Variants in CSF1R observed in about 807,000 individuals in gnomAD.
CSF1R encodes colony stimulating factor 1 receptor.
Under a neutral mutation model 110.0 loss-of-function variants are expected in CSF1R, and 40 were observed. That is an observed-to-expected ratio of 0.36 (90% confidence interval 0.28 to 0.47). The LOEUF (loss-of-function observed/expected upper bound fraction) is 0.47, where lower values mean the gene tolerates loss of function less well. CSF1R is among the 20% of genes least tolerant of loss of function. CSF1R has a pLI of 0.99. For synonymous variants in CSF1R, 523 were observed against 503.4 expected, an observed-to-expected ratio of 1.04 and a Z score of -0.52; for missense variants, 1,052 against 1,253.0, an observed-to-expected ratio of 0.84 and a Z score of 2.42.
At chr5:150,109,058 G>GCCCCCCTC (rs1554106341) in intron 1 of CSF1R, among the ~76,000 whole-genome samples, 2 of 119,736 alleles carry the variant, frequency 1.7e-5, no homozygotes, top group Non-Finnish European at 3.7e-5. Context: ...GGAGAAGCCC[G>GCCCCCCTC]CCCCCCCCCC....
chr5:150,109,005 G>C (rs1759631138), intron 1 of CSF1R, among the ~76,000 whole-genome samples: 1 of 150,464 alleles, frequency 6.6e-6, no homozygotes, highest in South Asian at 2.1e-4. Context: ...CCAAGCTGTG[G>C]GAAACTTTCA....
intron 3 of CSF1R, 21 bp downstream of exon 3, chr5:150,080,031 C>T (rs775415513): frequency 5.6e-6 from 9 of 1,604,680 alleles, no homozygotes; most frequent in South Asian, 2.2e-5. Flanking sequence ...GCCTGGCTGC[C>T]GGTCCCCATG....
At chr5:150,085,385 C>A (rs1234684981) in intron 1 of CSF1R, among the ~76,000 whole-genome samples, 1 of 151,762 alleles carries the variant, frequency 6.6e-6, no homozygotes, top group East Asian at 1.9e-4. Context: ...AGCGCCACGG[C>A]CTTAGGGTCC....
chr5:150,070,789 G>T (rs541319495), intron 6 of CSF1R, among the ~76,000 whole-genome samples: 155 of 152,298 alleles, frequency 1.0e-3, no homozygotes, highest in East Asian at 5.8e-4. Context: ...ATCTGAAAGT[G>T]TTTTTTTCCC....
intron 1 of CSF1R, among the ~76,000 whole-genome samples, chr5:150,085,990 A>T (rs971645067): frequency 2.0e-5 from 3 of 152,160 alleles, no homozygotes; most frequent in African/African-American, 4.8e-5. Flanking sequence ...TCTGCATTGT[A>T]ACAAAATCCT....
At position 150,053,372 on chromosome 5, in the gene CSF1R, G is replaced by A. The variant is rs926155157; in HGVS notation, c.*697C>T. On this transcript the variant is annotated 3_prime_UTR_variant, in exon 21 of 21. Coordinates refer to ENST00000675795, the MANE Select transcript of CSF1R (RefSeq NM_001288705.3). ...TTAGTTAGGATGAGTCAGCTTGGGG[G>A]AGTTTGTGCTTCCTGCTTGGTGTGG... The A allele has an allele frequency of 1.3e-5, 3 of 233,990 alleles. No individual in the cohort carries two copies. The highest frequency in any genetic ancestry group is 6.6e-5 in the African/African-American group (3 of 45,352). The allele number at this position is 233,990 out of a possible 1,614,324, so 14.5% of individuals were successfully genotyped here.
chr5:150,111,935 C>T (rs928501805), intron 1 of CSF1R, among the ~76,000 whole-genome samples: 21 of 152,170 alleles, frequency 1.4e-4, no homozygotes, highest in Admixed American at 1.3e-4. Context: ...ATACTTTAAC[C>T]GGGCTCCCCA....
rs75254640 is a variant in CSF1R, at chr5:150,104,573, C to T, written c.-181+8688G>A. On this transcript the variant is annotated intron_variant, in intron 1 of 21. Coordinates refer to the CSF1R transcript ENST00000286301. ...TGTGAAAGGCAGCACGCCCAGTGCT[C>T]TTTGGAATTTTCTCATTGAATCCTC... Among the ~76,000 whole-genome samples the T allele has an allele frequency of 5.5e-3, 843 of 152,290 alleles. 4 individuals are homozygous for T. Among genetic ancestry groups the T allele is most frequent in the African/African-American group, 0.019 (799 of 41,560 alleles).
chr5:150,083,263 C>G (rs1268354393), intron 1 of CSF1R, among the ~76,000 whole-genome samples: 2 of 151,136 alleles, frequency 1.3e-5, no homozygotes, highest in Non-Finnish European at 2.9e-5. Flanking sequence ...TCCCCATGCC[C>G]CACACCTCTC....
At chr5:150,061,386 T>A in intron 12 of CSF1R, 105 bp downstream of exon 12, 1 of 1,018,700 alleles carries the variant, frequency 9.8e-7, no homozygotes, top group Non-Finnish European at 1.4e-6. Context: ...TCCCCCAGGC[T>A]TCAACAGGTT....
chr5:150,088,560 G>A (rs1339832491), upstream of CSF1R, among the ~76,000 whole-genome samples: 1 of 151,080 alleles, frequency 6.6e-6, no homozygotes, highest in Non-Finnish European at 1.5e-5. Context: ...TTGAGACAGG[G>A]TCTCACTCTG....
At chr5:150,102,185 G>A (rs1466004096) in intron 1 of CSF1R, among the ~76,000 whole-genome samples, 5 of 152,114 alleles carry the variant, frequency 3.3e-5, no homozygotes, top group South Asian at 2.1e-4. Context: ...GGGTAGGTAC[G>A]TTAAAACATG....
At chr5:150,101,725 C>T (rs535980219) in intron 1 of CSF1R, among the ~76,000 whole-genome samples, 4 of 151,236 alleles carry the variant, frequency 2.6e-5, no homozygotes, top group Non-Finnish European at 5.9e-5. Flanking sequence ...GATACACTGT[C>T]CCCATAAATG....
At position 150,070,442 on chromosome 5, in the gene CSF1R, G is replaced by A; in HGVS notation, c.1198+14C>T. On this transcript the variant is annotated intron_variant, in intron 7 of 20. Coordinates refer to ENST00000675795, the MANE Select transcript of CSF1R (RefSeq NM_001288705.3). ...GGGCCTCCGCCCCAGGTGGCGCTCG[G>A]CCCCAGCACTCACATCGAAGGGTGA... The A allele has an allele frequency of 6.4e-7, 1 of 1,554,280 alleles. No individual in the cohort carries two copies. The highest frequency in any genetic ancestry group is 2.0e-5 in the Admixed American group (1 of 50,038).
chr5:150,065,537 T>A (rs1240912210), intron 10 of CSF1R, among the ~76,000 whole-genome samples: 1 of 152,116 alleles, frequency 6.6e-6, no homozygotes, highest in East Asian at 1.9e-4. Context: ...GCCACTTCTT[T>A]CCCCAGGCCT....
chr5:150,103,756 T>C (rs1759470215), intron 1 of CSF1R, among the ~76,000 whole-genome samples: 1 of 151,560 alleles, frequency 6.6e-6, no homozygotes, highest in South Asian at 2.1e-4. Flanking sequence ...GCAGAGAGGG[T>C]GAAAAATCAG....
chr5:150,085,678 T>C (rs936513037), intron 1 of CSF1R, among the ~76,000 whole-genome samples: 1 of 151,414 alleles, frequency 6.6e-6, no homozygotes, highest in African/African-American at 2.4e-5. Flanking sequence ...CTATACCTAT[T>C]TCACCCCGAA....
upstream of CSF1R, among the ~76,000 whole-genome samples, chr5:150,087,899 C>A (rs988499516): frequency 6.6e-6 from 1 of 152,014 alleles, no homozygotes; most frequent in East Asian, 1.9e-4. Context: ...CCATTCCTAG[C>A]AAATTTCTGT....
chr5:150,058,255 C>T (rs1030511617), intron 14 of CSF1R: 6 of 455,648 alleles, frequency 1.3e-5, no homozygotes, highest in Non-Finnish European at 2.6e-5. Context: ...GCACTTCCAA[C>T]AGTCCTCAAG....
Sources: allele counts gnomAD v4.1 joint callset (sites outside exome capture counted in the v4.1 genomes callset), GRCh38; gene constraint gnomAD v4.1.1; transcripts MANE v1.5; gene names NCBI Gene and HGNC (gene_info 2026-07-23, HGNC 2026-07-21).